CLU: variants seen among roughly 807,000 people sequenced by gnomAD.
The protein encoded by CLU is aging-associated protein 4.
Under a neutral mutation model 46.4 loss-of-function variants are expected in CLU, and 25 were observed. The observed-to-expected ratio is 0.54, with a 90% CI of 0.39 to 0.75. CLU has a LOEUF of 0.75. CLU is among the 30% of genes least tolerant of loss of function. The pLI is 0.00. For missense variants in CLU, 504 were observed against 592.1 expected (o/e 0.85, Z 1.54); for synonymous variants, 235 against 235.1 (o/e 1.00, Z 0.00).
At position 27,611,720 on chromosome 8, in the gene CLU, T is replaced by A. The variant is rs190598451; in HGVS notation, c.-29-1120A>T. 14 of 457,558 alleles carry A rather than the reference T, an allele frequency of 3.1e-5. No homozygotes were observed. In the East Asian group the frequency reaches 7.7e-4, roughly 25 times the overall value. 28.3% of individuals were successfully genotyped at this position (457,558 alleles called of 1,614,324 possible). A position where few individuals can be genotyped will look rare whatever the true frequency, so the allele number is the denominator to read the frequency against. On this transcript the variant is annotated intron_variant, in intron 1 of 8. Coordinates refer to ENST00000316403, the MANE Select transcript of CLU (RefSeq NM_001831.4). Reference sequence around the variant, plus strand: ...CACTCAGTAGCACATTAACAAGGAGTGCCTCTCATGAGAAGTAATCAGGCG... The same window carrying A: ...CACTCAGTAGCACATTAACAAGGAGAGCCTCTCATGAGAAGTAATCAGGCG...
chr8:27,603,049 A>T (rs1027573338), intron 6 of CLU, among the ~76,000 whole-genome samples: 1 of 152,174 alleles, frequency 6.6e-6, no homozygotes, highest in East Asian at 1.9e-4. Context: ...ATAATCAATG[A>T]CTGATAAGAC....
At position 27,604,407 on chromosome 8, in the gene CLU, C is replaced by T. The variant is rs374780183; in HGVS notation, c.830-12G>A. The T allele has an allele frequency of 4.3e-5, 69 of 1,609,240 alleles. No homozygotes were observed. The African/African-American group carries it at 5.6e-4, about 13-fold the overall frequency. On this transcript the variant is annotated splice_polypyrimidine_tract_variant and intron_variant, in intron 5 of 8. Coordinates refer to ENST00000316403, the MANE Select transcript of CLU (RefSeq NM_001831.4). ...GTCATCGTCGCCTTCTGGGGACACACGAGGGAAGAAGAGTCAGTCATCCAG... is the reference window on the plus strand; with the variant it reads ...GTCATCGTCGCCTTCTGGGGACACATGAGGGAAGAAGAGTCAGTCATCCAG...
rs1585248918 is a variant in CLU, at chr8:27,597,271, T to C, written c.*970A>G. On this transcript the variant is annotated 3_prime_UTR_variant, in exon 9 of 9. Coordinates refer to ENST00000316403, the MANE Select transcript of CLU (RefSeq NM_001831.4). ...CCAGAATTCTATCAGAGAATGTTAATGAACGAAAAGCCTGAGCTTTAAGAC... is the reference window on the plus strand; with the variant it reads ...CCAGAATTCTATCAGAGAATGTTAACGAACGAAAAGCCTGAGCTTTAAGAC... 2.3e-6 allele frequency: 1 copy of C among 436,428 alleles called. No individual in the cohort carries two copies. Among genetic ancestry groups the C allele is most frequent in the South Asian group, 1.6e-5 (1 of 64,428 alleles). 27.0% of individuals were successfully genotyped at this position (436,428 alleles called of 1,614,324 possible). A position where few individuals can be genotyped will look rare whatever the true frequency, so the allele number is the denominator to read the frequency against.
intron 2 of CLU, 70 bp downstream of exon 2, chr8:27,610,405 A>C: frequency 8.1e-7 from 1 of 1,237,070 alleles, no homozygotes; most frequent in Non-Finnish European, 1.2e-6. Flanking sequence ...GGCACTGAGC[A>C]GAATTAGCTA....
At chr8:27,598,972 GAAAGA>G in intron 7 of CLU, 1 of 201,344 alleles carries the variant, frequency 5.0e-6, no homozygotes, top group Non-Finnish European at 1.0e-5. Flanking sequence ...CTGGAGGGAA[GAAAGA>G]AAAGAAAAAG....
intron 1 of CLU, 23 bp from the exon 2 acceptor site, chr8:27,610,623 A>T (rs1015926280): frequency 6.3e-7 from 1 of 1,576,946 alleles, no homozygotes; most frequent in Non-Finnish European, 8.7e-7. Context: ...GGAGACCATC[A>T]TGGGAACAGC....
chr8:27,606,530 G>C lies in CLU; in HGVS notation c.247-6C>G. 6.2e-7 allele frequency: 1 copy of C among 1,614,030 alleles called. No individual in the cohort carries two copies. On this transcript the variant is annotated splice_region_variant and splice_polypyrimidine_tract_variant and intron_variant, in intron 3 of 8. Transcript: ENST00000316403. ...CTGGTCTCATTTAGGGCATCCTACAGGAAGACACAAGGCTGGCTGAGCCAC... is the reference window on the plus strand; with the variant it reads ...CTGGTCTCATTTAGGGCATCCTACACGAAGACACAAGGCTGGCTGAGCCAC...
At chr8:27,607,934 C>T (rs567012288) in intron 3 of CLU, among the ~76,000 whole-genome samples, 70 of 152,152 alleles carry the variant, frequency 4.6e-4, no homozygotes, top group South Asian at 1.9e-3. Context: ...GTAGCAGGCT[C>T]TTTTCTCCAA....
chr8:27,598,129 G>T lies in CLU; in HGVS notation c.*112C>A, dbSNP rs1463829454. On this transcript the variant is annotated 3_prime_UTR_variant, in exon 9 of 9. Coordinates refer to ENST00000316403, the MANE Select transcript of CLU (RefSeq NM_001831.4). ...GCTGGGCGGAGTTGGGGGCCTGGAGGCTGGGGCCTGGTTACTTGGTGACGT... is the reference window on the plus strand; with the variant it reads ...GCTGGGCGGAGTTGGGGGCCTGGAGTCTGGGGCCTGGTTACTTGGTGACGT... 1 of 1,079,772 alleles carries T rather than the reference G, an allele frequency of 9.3e-7. No individual in the cohort carries two copies. Among genetic ancestry groups the T allele is most frequent in the Non-Finnish European group, 1.4e-6 (1 of 707,304 alleles). The allele number at this position is 1,079,772 out of a possible 1,614,324, so 66.9% of individuals were successfully genotyped here. A position where few individuals can be genotyped will look rare whatever the true frequency, so the allele number is the denominator to read the frequency against.
intron 1 of CLU, chr8:27,611,420 C>A (rs1294608331): frequency 1.1e-5 from 5 of 456,220 alleles, no homozygotes; most frequent in Non-Finnish European, 4.4e-6. Context: ...AGCAGGCTGC[C>A]CTGCCAGTGT....
At position 27,600,026 on chromosome 8, in the gene CLU, G is replaced by T. The variant is rs1259783425; in HGVS notation, c.935-17C>A. 1 of 1,594,930 alleles carries T rather than the reference G, an allele frequency of 6.3e-7. No homozygotes were observed. The highest frequency in any genetic ancestry group is 8.6e-7 in the Non-Finnish European group (1 of 1,162,974). On this transcript the variant is annotated splice_polypyrimidine_tract_variant and intron_variant, in intron 6 of 8. Coordinates refer to ENST00000316403, the MANE Select transcript of CLU (RefSeq NM_001831.4). ...TGGAACAGTCTGCCCAGAGATGGAA[G>T]AAACGCAAGTGAGAAGTGTGAAGGG...
intron 2 of CLU, 149 bp downstream of exon 2, chr8:27,610,326 C>T (rs1357372761): frequency 1.2e-4 from 84 of 715,774 alleles, no homozygotes; most frequent in Non-Finnish European, 1.5e-5. Flanking sequence ...TCAGAGTGGG[C>T]CCAGACACAG....
intron 1 of CLU, chr8:27,613,600 G>A (rs1381775466): frequency 2.0e-5 from 3 of 152,106 alleles, no homozygotes; most frequent in African/African-American, 7.2e-5. Context: ...TCACCCAGAG[G>A]CAAAGGTTAG....
Position 27,597,976 on chromosome 8 carries a change from A to G in CLU, c.*265T>C. The G allele has an allele frequency of 1.5e-6, 1 of 666,058 alleles. No individual in the cohort carries two copies. Among genetic ancestry groups the G allele is most frequent in the East Asian group, 3.0e-5 (1 of 33,652 alleles). 41.3% of individuals were successfully genotyped at this position (666,058 alleles called of 1,614,324 possible). On this transcript the variant is annotated 3_prime_UTR_variant, in exon 9 of 9. Coordinates refer to ENST00000316403, the MANE Select transcript of CLU (RefSeq NM_001831.4). ...GCCGGGAAGCAGCAACTCAACATAA[A>G]AAGAGGACCCTCCAAGCGATCAGCT...
At chr8:27,602,055 C>T (rs920712544) in intron 6 of CLU, among the ~76,000 whole-genome samples, 1 of 152,140 alleles carries the variant, frequency 6.6e-6, no homozygotes, top group Non-Finnish European at 1.5e-5. Context: ...TGCGCCACTA[C>T]GCTCCAGCCT....
rs1800611448 is a variant in CLU at position 27,597,077 on chromosome 8, A to G, written c.*1164T>C. ...GAATTTCCTTGACAGCCATGCTAAAATACTTACCTTGGACATAAGCTAAGC... is the reference window on the plus strand; with the variant it reads ...GAATTTCCTTGACAGCCATGCTAAAGTACTTACCTTGGACATAAGCTAAGC... On this transcript the variant is annotated 3_prime_UTR_variant, in exon 9 of 9. Coordinates refer to ENST00000316403, the MANE Select transcript of CLU (RefSeq NM_001831.4). 2.2e-6 allele frequency: 1 copy of G among 454,152 alleles called. No homozygotes were observed. Among genetic ancestry groups the G allele is most frequent in the Non-Finnish European group, 4.4e-6 (1 of 226,796 alleles). The allele number at this position is 454,152 out of a possible 1,614,324, so 28.1% of individuals were successfully genotyped here.
At position 27,599,718 on chromosome 8, in the gene CLU, C is replaced by T; in HGVS notation, c.1164+62G>A. 2.4e-6 allele frequency: 3 copies of T among 1,243,268 alleles called. No homozygotes were observed. The highest frequency in any genetic ancestry group is 5.0e-5 in the East Asian group (2 of 39,888). The allele number at this position is 1,243,268 out of a possible 1,614,324, so 77.0% of individuals were successfully genotyped here. A position where few individuals can be genotyped will look rare whatever the true frequency, so the allele number is the denominator to read the frequency against. On this transcript the variant is annotated intron_variant, in intron 7 of 8. Transcript: ENST00000316403. This position sits in a 1 kb window ranked among gnomAD's most constrained non-coding sequence, Gnocchi z 4.0. ...AAATGCTCAGTCAAAAGCACACATG[C>T]CCCTGCTCCCGATCACAGCTCGGGC... is the stretch of plus-strand genomic sequence containing the variant.
intron 2 of CLU, among the ~76,000 whole-genome samples, chr8:27,609,534 TAAG>T (rs1800884685): frequency 6.6e-6 from 1 of 152,150 alleles, no homozygotes; most frequent in Admixed American, 6.6e-5. Flanking sequence ...GCGACAGGAA[TAAG>T]AAGATGAGTA....
chr8:27,610,372 G>T, intron 2 of CLU, 103 bp downstream of exon 2: 1 of 969,952 alleles, frequency 1.0e-6, no homozygotes, highest in Non-Finnish European at 1.7e-6. Context: ...AAAACGGTCT[G>T]TAACACTGGG....
Sources: gnomAD v4.1 joint callset for allele counts (sites outside exome capture counted in the v4.1 genomes callset) on GRCh38, gnomAD v4.1.1 for gene constraint, Gnocchi (gnomAD v3.1) non-coding constraint, MANE v1.5 for transcripts, NCBI Gene and HGNC (gene_info 2026-07-23, HGNC 2026-07-21) for gene names.